Variants in CHRNA7 observed in about 807,000 individuals in gnomAD.
CHRNA7 encodes the protein cholinergic receptor nicotinic alpha 7 subunit.
A neutral mutation model predicts 48.0 loss-of-function variants in CHRNA7; 17 were observed. That is an observed-to-expected ratio of 0.35 (90% CI 0.24 to 0.53). CHRNA7 has a LOEUF of 0.53. CHRNA7 is among the 20% of genes least tolerant of loss of function. The probability of loss-of-function intolerance (pLI) is 0.92; values close to 1 mark genes in which losing one functional copy is unlikely to be tolerated. For missense variants in CHRNA7, 155 were observed against 577.7 expected (o/e 0.27, Z 7.50); for synonymous variants, 75 against 242.3 (o/e 0.31, Z 6.41).
At chr15:32,127,750 T>C (rs2051093240) in intron 4 of CHRNA7, among the ~76,000 whole-genome samples, 1 of 152,110 alleles carries the variant, frequency 6.6e-6, no homozygotes, top group African/African-American at 2.4e-5. Flanking sequence ...TAGTTTGTCT[T>C]TCTGTAGTTT....
chr15:32,031,066 C>T (rs887938407), intron 2 of CHRNA7, 29 bp downstream of exon 2: 2 of 1,612,448 alleles, frequency 1.2e-6, no homozygotes, highest in Non-Finnish European at 8.5e-7. Flanking sequence ...CAGGGCTGCC[C>T]TCTCCCCTTC....
At chr15:32,131,039 T>TTTG (rs908409814) in intron 4 of CHRNA7, among the ~76,000 whole-genome samples, 19 of 152,166 alleles carry the variant, frequency 1.2e-4, no homozygotes, top group Non-Finnish European at 2.2e-4. Flanking sequence ...GTCATTTAAA[T>TTTG]TTGTTGTTGT....
intron 2 of CHRNA7, among the ~76,000 whole-genome samples, chr15:32,045,978 T>C (rs1475667312): frequency 1.3e-5 from 2 of 151,024 alleles, no homozygotes; most frequent in Non-Finnish European, 3.0e-5. Context: ...TTCATCCATG[T>C]CCCTACAAAG....
At chr15:32,142,350 A>G (rs902990341) in intron 4 of CHRNA7, among the ~76,000 whole-genome samples, 1 of 152,180 alleles carries the variant, frequency 6.6e-6, no homozygotes, top group African/African-American at 2.4e-5. Flanking sequence ...TTTTGCATCA[A>G]TGCTCCTCAG....
chr15:32,056,127 G>A (rs1021877427), intron 2 of CHRNA7, among the ~76,000 whole-genome samples: 2 of 152,048 alleles, frequency 1.3e-5, no homozygotes, highest in African/African-American at 4.8e-5. Context: ...CAGATTAATG[G>A]TGTCTTTTGG....
At position 32,104,506 on chromosome 15, in the gene CHRNA7, C is replaced by T. The variant is rs1339710107; in HGVS notation, c.240+3159C>T. Among the ~76,000 whole-genome samples the T allele has an allele frequency of 3.9e-5, 6 of 152,312 alleles. No homozygotes were observed. The South Asian group carries it at 8.3e-4, about 21-fold the overall frequency. On this transcript the variant is annotated intron_variant, in intron 3 of 9. Transcript: ENST00000306901. ...CAAAGGCTTCTCACCATGTAACCCG[C>T]TTTGTGTTCACTCGTCTATCTGTTC... is the stretch of plus-strand genomic sequence containing the variant.
At chr15:32,098,096 G>A (rs1427357774) in intron 2 of CHRNA7, among the ~76,000 whole-genome samples, 1 of 152,214 alleles carries the variant, frequency 6.6e-6, no homozygotes, top group Non-Finnish European at 1.5e-5. Context: ...ACTCAGAGGT[G>A]TGGCCACCAT....
chr15:32,072,673 C>T (rs1454609740), intron 2 of CHRNA7, among the ~76,000 whole-genome samples: 1 of 152,204 alleles, frequency 6.6e-6, no homozygotes, highest in Non-Finnish European at 1.5e-5. Context: ...AGCCTTAGGA[C>T]ACTGCATCCG....
At chr15:32,154,854 C>A (rs2051704065) in intron 5 of CHRNA7, among the ~76,000 whole-genome samples, 1 of 81,560 alleles carries the variant, frequency 1.2e-5, no homozygotes, top group Non-Finnish European at 2.3e-5. Context: ...ACACCACTCA[C>A]CCCTCACACA....
At chr15:32,109,810 A>G (rs542581690) in intron 3 of CHRNA7, among the ~76,000 whole-genome samples, 2 of 152,322 alleles carry the variant, frequency 1.3e-5, no homozygotes, top group African/African-American at 4.8e-5. Context: ...GGACTAGCAT[A>G]AAGGCTGTGA....
intron 4 of CHRNA7, among the ~76,000 whole-genome samples, chr15:32,120,821 G>A (rs1351344086): frequency 1.3e-5 from 2 of 152,090 alleles, no homozygotes; most frequent in Non-Finnish European, 2.9e-5. Context: ...ATTGATCTTT[G>A]TGATGTGGAA....
intron 4 of CHRNA7, among the ~76,000 whole-genome samples, chr15:32,133,659 C>T (rs2051194866): frequency 6.6e-6 from 1 of 152,210 alleles, no homozygotes; most frequent in Admixed American, 6.5e-5. Flanking sequence ...AGGCTGTGCT[C>T]AGTCAGGGCT....
chr15:32,068,825 A>G (rs1163387315), intron 2 of CHRNA7, among the ~76,000 whole-genome samples: 1 of 152,198 alleles, frequency 6.6e-6, no homozygotes, highest in Non-Finnish European at 1.5e-5. Flanking sequence ...ATAAATACAT[A>G]TGACGTATCA....
chr15:32,034,976 G>A (rs1368664309), intron 2 of CHRNA7, among the ~76,000 whole-genome samples: 3 of 152,174 alleles, frequency 2.0e-5, no homozygotes, highest in Non-Finnish European at 4.4e-5. Flanking sequence ...TTGAAACTAG[G>A]ATGGCCACTG....
intron 4 of CHRNA7, among the ~76,000 whole-genome samples, chr15:32,133,589 T>C (rs1287622001): frequency 6.6e-6 from 1 of 152,240 alleles, no homozygotes; most frequent in East Asian, 1.9e-4. Context: ...GAAGTTGGAA[T>C]TGAAAAAAAT....
chr15:32,091,780 C>A (rs1026290629), intron 2 of CHRNA7, among the ~76,000 whole-genome samples: 2 of 152,224 alleles, frequency 1.3e-5, no homozygotes, highest in African/African-American at 4.8e-5. Flanking sequence ...GCTATGGTGT[C>A]AGCTCACGTA....
At chr15:32,154,792 TCACA>T (rs538062653) in intron 5 of CHRNA7, among the ~76,000 whole-genome samples, 3 of 139,326 alleles carry the variant, frequency 2.2e-5, no homozygotes, top group Non-Finnish European at 4.5e-5. Context: ...CACATACGAC[TCACA>T]CACACACCAC....
intron 4 of CHRNA7, among the ~76,000 whole-genome samples, chr15:32,152,536 C>A (rs1007735192): frequency 1.3e-5 from 2 of 152,170 alleles, no homozygotes; most frequent in Non-Finnish European, 2.9e-5. Context: ...GAGCAAGGGC[C>A]GTCCTTCATT....
At chr15:32,037,136 CT>C (rs1194320917) in intron 2 of CHRNA7, among the ~76,000 whole-genome samples, 3 of 152,138 alleles carry the variant, frequency 2.0e-5, no homozygotes, top group Non-Finnish European at 4.4e-5. Flanking sequence ...CTACATTTAT[CT>C]TTTTGCATGT....
Sources: gnomAD v4.1 joint callset for allele counts (sites outside exome capture counted in the v4.1 genomes callset) on GRCh38, gnomAD v4.1.1 for gene constraint, MANE v1.5 for transcripts, NCBI Gene and HGNC (gene_info 2026-07-23, HGNC 2026-07-21) for gene names.